The following DNAL1 variants were observed in gnomAD, a reference collection of about 807,000 sequenced individuals.
The protein encoded by DNAL1 is chromosome 14 open reading frame 168.
A neutral mutation model predicts 29.4 loss-of-function variants in DNAL1; 17 were observed. The ratio of observed to expected loss-of-function variants is 0.58; its 90% CI spans 0.40 to 0.87. The LOEUF is 0.87. Among genes scored for constraint, DNAL1 ranks in the 40% least tolerant of loss-of-function variants. The probability of loss-of-function intolerance (pLI) is 0.00; values close to 1 mark genes in which losing one functional copy is unlikely to be tolerated. For missense variants in DNAL1, 188 were observed against 214.1 expected, an observed-to-expected ratio of 0.88 and a Z score of 0.76; for synonymous variants, 78 against 76.3, an observed-to-expected ratio of 1.02 and a Z score of -0.12.
At chr14:73,692,116 G>T (rs928928110) in intron 7 of DNAL1, among the ~76,000 whole-genome samples, 3 of 151,222 alleles carry the variant, frequency 2.0e-5, no homozygotes, top group African/African-American at 7.3e-5. Flanking sequence ...TCCTGCCTCA[G>T]CCTCCTGATT....
At chr14:73,655,033 C>T (rs1426267050) in intron 2 of DNAL1, 148 bp downstream of exon 2, 3 of 782,186 alleles carry the variant, frequency 3.8e-6, no homozygotes, top group Non-Finnish European at 6.0e-6. Context: ...CATGAACTTA[C>T]ACATATGATA....
At chr14:73,668,059 A>T (rs75789068) in intron 4 of DNAL1, among the ~76,000 whole-genome samples, 1,800 of 152,220 alleles carry the variant, frequency 0.012, 36 homozygotes, top group African/African-American at 0.041. Flanking sequence ...TTGCGTGTAA[A>T]TGTTCTTCCT....
rs979902614 is a variant in DNAL1, at chr14:73,688,526, G to A, written c.392-849G>A. Among the ~76,000 whole-genome samples the A allele has an allele frequency of 6.6e-5, 10 of 152,284 alleles. 1 individual carries two copies. Among genetic ancestry groups the A allele is most frequent in the African/African-American group, 2.4e-4 (10 of 41,556 alleles). On this transcript the variant is annotated intron_variant, in intron 6 of 7. Transcript: ENST00000553645. ...TAGTCCAAGCTACTTGGGAGGCTGA[G>A]GCATGAGAGTTGCTTTAACCCAGGA...
At chr14:73,691,366 A>G (rs1286049281) in intron 7 of DNAL1, among the ~76,000 whole-genome samples, 2 of 152,052 alleles carry the variant, frequency 1.3e-5, no homozygotes, top group Non-Finnish European at 2.9e-5. Flanking sequence ...CCTGGCCAAC[A>G]TGGTGAAATC....
At chr14:73,692,425 T>TG (rs996080059) in intron 7 of DNAL1, among the ~76,000 whole-genome samples, 1 of 151,912 alleles carries the variant, frequency 6.6e-6, no homozygotes, top group Non-Finnish European at 1.5e-5. Flanking sequence ...GAGGTTGCAG[T>TG]GAGCTGAGAT....
chr14:73,698,557 A>T lies in DNAL1; in HGVS notation c.*2615A>T, dbSNP rs1246409978. On this transcript the variant is annotated 3_prime_UTR_variant, in exon 8 of 8. Coordinates refer to ENST00000553645, the MANE Select transcript of DNAL1 (RefSeq NM_031427.4). ...TTGTTTGTTTGTTTGTTTTAAACAG[A>T]GTCTCACTCCCGAGTAGCTGGGACC... The T allele has an allele frequency of 6.6e-6, 1 of 151,864 alleles. No individual in the cohort carries two copies. Among genetic ancestry groups the T allele is most frequent in the Non-Finnish European group, 1.5e-5 (1 of 67,972 alleles). 9.4% of individuals were successfully genotyped at this position (151,864 alleles called of 1,614,324 possible).
intron 5 of DNAL1, among the ~76,000 whole-genome samples, chr14:73,677,722 A>G (rs934799186): frequency 3.3e-5 from 5 of 149,688 alleles, no homozygotes; most frequent in African/African-American, 1.2e-4. Context: ...ACGCCCGGCT[A>G]ATTTTTTGTA....
intron 5 of DNAL1, 58 bp downstream of exon 5, chr14:73,671,655 T>A: frequency 7.4e-7 from 1 of 1,344,710 alleles, no homozygotes; most frequent in South Asian, 1.7e-5. Flanking sequence ...TATGAATAAT[T>A]TCTTGGATAA....
Position 73,695,048 on chromosome 14 carries a change from C to CTTTTTTT in DNAL1, c.533-835_533-829dup, listed in dbSNP as rs71112798. Among the ~76,000 whole-genome samples the CTTTTTTT allele has an allele frequency of 4.1e-4, 25 of 60,886 alleles. 1 individual carries two copies. The highest frequency in any genetic ancestry group is 4.8e-4 in the Non-Finnish European group (17 of 35,110). The allele number at this position is 60,886 out of a possible 152,430, so 39.9% of individuals were successfully genotyped here. Reference sequence around the variant, plus strand: ...TATTTTTCTACTTGGTACTTGTTGGCTTTTTTTTTTTTTTTTTTTTTTTTT... The same window carrying CTTTTTTT: ...TATTTTTCTACTTGGTACTTGTTGGCTTTTTTTTTTTTTTTTTTTTTTTTTTTTTTTT... On this transcript the variant is annotated intron_variant, in intron 7 of 7. Coordinates refer to ENST00000553645, the MANE Select transcript of DNAL1 (RefSeq NM_031427.4).
intron 1 of DNAL1, among the ~76,000 whole-genome samples, chr14:73,646,397 A>G (rs1890977412): frequency 6.6e-6 from 1 of 150,748 alleles, no homozygotes; most frequent in Non-Finnish European, 1.5e-5. Flanking sequence ...GTTTTACAGC[A>G]TTTTACTATA....
At chr14:73,669,232 C>G (rs1230141542) in intron 4 of DNAL1, among the ~76,000 whole-genome samples, 1 of 152,170 alleles carries the variant, frequency 6.6e-6, no homozygotes, top group Non-Finnish European at 1.5e-5. Flanking sequence ...ATCCTCCTGC[C>G]TCAGCCTCCC....
At chr14:73,686,422 T>C (rs1892020079) in intron 5 of DNAL1, among the ~76,000 whole-genome samples, 1 of 152,216 alleles carries the variant, frequency 6.6e-6, no homozygotes, top group Admixed American at 6.5e-5. Context: ...AATTGTATTA[T>C]TGGCTGGGCA....
chr14:73,692,610 G>GA (rs59651369), intron 7 of DNAL1, among the ~76,000 whole-genome samples: 162 of 123,254 alleles, frequency 1.3e-3, no homozygotes, highest in Middle Eastern at 4.4e-3. Flanking sequence ...AGTGAGCCGA[G>GA]AAAAAAAAAA....
chr14:73,668,878 T>C (rs1595211477), intron 4 of DNAL1, among the ~76,000 whole-genome samples: 1 of 151,968 alleles, frequency 6.6e-6, no homozygotes, highest in South Asian at 2.1e-4. Context: ...GGTTTCGCCA[T>C]GTTGGCCAGG....
At position 73,664,693 on chromosome 14, in the gene DNAL1, A is replaced by AC. The variant is rs35439610; in HGVS notation, c.208+2656dup. Among the ~76,000 whole-genome samples, 543 of 151,818 alleles carry AC rather than the reference A, an allele frequency of 3.6e-3. 3 individuals carry two copies. The highest frequency in any genetic ancestry group is 0.012 in the African/African-American group (503 of 41,374). On this transcript the variant is annotated intron_variant, in intron 4 of 7. Transcript: ENST00000553645. ...AGACCAGCCTGGGCAACATAGCGAG[A>AC]CCCCCATCTCTACTAAAAATTTTAA...
chr14:73,648,371 T>C (rs1891026719), intron 1 of DNAL1, among the ~76,000 whole-genome samples: 1 of 140,352 alleles, frequency 7.1e-6, no homozygotes, highest in Non-Finnish European at 1.5e-5. Context: ...TTTGCATTTT[T>C]CTGATTCTCG....
At chr14:73,691,974 GC>G (rs373131919) in intron 7 of DNAL1, among the ~76,000 whole-genome samples, 1 of 670 alleles carries the variant, frequency 1.5e-3, no homozygotes, top group Non-Finnish European at 4.4e-3. Flanking sequence ...GGGATTATAG[GC>G]GGTGAGCCAC....
chr14:73,654,186 G>A (rs569072086), intron 1 of DNAL1, among the ~76,000 whole-genome samples: 2 of 152,284 alleles, frequency 1.3e-5, no homozygotes, highest in East Asian at 1.9e-4. Context: ...ATATTAAAAT[G>A]TAAGAAAGAT....
Position 73,697,929 on chromosome 14 carries a change from T to G in DNAL1, c.*1987T>G, listed in dbSNP as rs1892341004. The G allele has an allele frequency of 6.6e-6, 1 of 152,164 alleles. No individual in the cohort carries two copies. Among genetic ancestry groups the G allele is most frequent in the African/African-American group, 2.4e-5 (1 of 41,434 alleles). 9.4% of individuals were successfully genotyped at this position (152,164 alleles called of 1,614,324 possible). On this transcript the variant is annotated 3_prime_UTR_variant, in exon 8 of 8. Coordinates refer to ENST00000553645, the MANE Select transcript of DNAL1 (RefSeq NM_031427.4). ...AGCCTTCATTCTCCTTGGTGATGTT[T>G]TAAGTTCCATAAACTGAGAGGGAAG...
Sources: gnomAD v4.1 joint callset for allele counts (sites outside exome capture counted in the v4.1 genomes callset) on GRCh38, gnomAD v4.1.1 for gene constraint, MANE v1.5 for transcripts, NCBI Gene and HGNC (gene_info 2026-07-23, HGNC 2026-07-21) for gene names.